MAP2K6: variants seen among roughly 807,000 people sequenced by gnomAD.
MAP2K6 encodes dual specificity mitogen-activated protein kinase kinase 6.
A neutral mutation model predicts 53.7 loss-of-function variants in MAP2K6; 16 were observed. That is an observed-to-expected ratio of 0.30 (90% CI 0.20 to 0.45). The LOEUF is 0.45. Among genes scored for constraint, MAP2K6 ranks in the 20% least tolerant of loss-of-function variants. The pLI is 1.00. For missense variants in MAP2K6, 204 were observed against 411.9 expected, an observed-to-expected ratio of 0.50 and a Z score of 4.37; for synonymous variants, 132 against 143.1, an observed-to-expected ratio of 0.92 and a Z score of 0.55.
At chr17:69,524,757 G>A (rs1009689183) in intron 8 of MAP2K6, 144 bp from the exon 9 acceptor site, 12 of 535,948 alleles carry the variant, frequency 2.2e-5, no homozygotes, top group South Asian at 1.2e-4. Flanking sequence ...GTAGTTAACC[G>A]GGTCTTCTTG....
intron 1 of MAP2K6, among the ~76,000 whole-genome samples, chr17:69,448,258 T>C (rs1907044473): frequency 1.4e-5 from 2 of 145,606 alleles, no homozygotes; most frequent in African/African-American, 5.0e-5. Context: ...TTTTTTTTTT[T>C]CAAATTCAAG....
At chr17:69,430,437 CAT>C (rs750616049) in intron 1 of MAP2K6, among the ~76,000 whole-genome samples, 4 of 152,188 alleles carry the variant, frequency 2.6e-5, no homozygotes, top group African/African-American at 4.8e-5. Flanking sequence ...TCCAGGCAAT[CAT>C]GTGAGCTTTT....
chr17:69,492,812 C>G (rs901141418), intron 1 of MAP2K6, among the ~76,000 whole-genome samples: 4 of 152,152 alleles, frequency 2.6e-5, no homozygotes, highest in African/African-American at 9.7e-5. Flanking sequence ...TTAATCACAT[C>G]TGCAAAAAAT....
chr17:69,446,593 C>G lies in MAP2K6; in HGVS notation c.16+31593C>G, dbSNP rs183052556. On this transcript the variant is annotated intron_variant, in intron 1 of 11. Transcript: ENST00000590474. ...TTTCTTCCTTTCACAGGTGAGGAAACCAAAGTTCAGGGAGGTTAAGTAATT... is the reference window on the plus strand; with the variant it reads ...TTTCTTCCTTTCACAGGTGAGGAAAGCAAAGTTCAGGGAGGTTAAGTAATT... Among the ~76,000 whole-genome samples, 14 of 152,268 alleles carry G rather than the reference C, an allele frequency of 9.2e-5. No individual in the cohort carries two copies. The East Asian group carries it at 2.5e-3, about 27-fold the overall frequency.
chr17:69,529,104 A>G (rs1373564330), intron 10 of MAP2K6, among the ~76,000 whole-genome samples: 1 of 152,204 alleles, frequency 6.6e-6, no homozygotes, highest in Non-Finnish European at 1.5e-5. Flanking sequence ...GTGAATCACC[A>G]GTTTAATCCA....
chr17:69,534,383 G>A (rs1911245982), intron 10 of MAP2K6, among the ~76,000 whole-genome samples: 1 of 152,056 alleles, frequency 6.6e-6, no homozygotes, highest in African/African-American at 2.4e-5. Flanking sequence ...TTCTCTCATA[G>A]GTTGTCTGGT....
At chr17:69,418,867 T>C (rs1005692493) in intron 1 of MAP2K6, among the ~76,000 whole-genome samples, 2 of 113,904 alleles carry the variant, frequency 1.8e-5, no homozygotes, top group Non-Finnish European at 3.7e-5. Flanking sequence ...AAATAGCTTT[T>C]TATTATTGCA....
intron 1 of MAP2K6, among the ~76,000 whole-genome samples, chr17:69,496,689 T>A (rs1247471496): frequency 1.3e-5 from 2 of 152,066 alleles, no homozygotes; most frequent in Non-Finnish European, 2.9e-5. Flanking sequence ...ATTCTTCTTG[T>A]TTCCCTGTCT....
In MAP2K6 at chr17:69,441,781, G is replaced by C. The variant is rs187503786; in HGVS notation, c.16+26781G>C. ...CTGACACTAACCTGGTGGCTGAAAG[G>C]GGGTGCTGCCTCCTTACTGCCAGGT... On this transcript the variant is annotated intron_variant, in intron 1 of 11. Coordinates refer to ENST00000590474, the MANE Select transcript of MAP2K6 (RefSeq NM_002758.4). 3.9e-5 allele frequency among the ~76,000 whole-genome samples: 6 copies of C among 152,264 alleles called. No homozygotes were observed. In the East Asian group the frequency reaches 9.6e-4, roughly 24 times the overall value.
intron 1 of MAP2K6, among the ~76,000 whole-genome samples, chr17:69,422,514 T>C (rs1359622440): frequency 3.3e-5 from 5 of 152,224 alleles, no homozygotes; most frequent in African/African-American, 1.2e-4. Flanking sequence ...TGTTTTACTT[T>C]CTGGTCTGTA....
At chr17:69,481,368 G>T (rs1313523383) in intron 1 of MAP2K6, among the ~76,000 whole-genome samples, 3 of 152,114 alleles carry the variant, frequency 2.0e-5, no homozygotes, top group Non-Finnish European at 4.4e-5. Context: ...TCTGCATGTT[G>T]TCTTTATATA....
intron 1 of MAP2K6, among the ~76,000 whole-genome samples, chr17:69,473,551 T>A (rs185510351): frequency 1.3e-5 from 2 of 152,314 alleles, no homozygotes; most frequent in East Asian, 3.9e-4. Flanking sequence ...TAATAAATAT[T>A]TTCTTTTTGA....
Position 69,546,148 on chromosome 17 carries a change from G to A in MAP2K6, c.*4395G>A, listed in dbSNP as rs924085204. ...TATGCCAATGTTTGCACTGTCTGCTGTTGGTGACCCTCAAAATGAAATTCT... is the reference window on the plus strand; with the variant it reads ...TATGCCAATGTTTGCACTGTCTGCTATTGGTGACCCTCAAAATGAAATTCT... On this transcript the variant is annotated 3_prime_UTR_variant, in exon 12 of 12. Coordinates refer to ENST00000590474, the MANE Select transcript of MAP2K6 (RefSeq NM_002758.4). 2 of 152,114 alleles carry A rather than the reference G, an allele frequency of 1.3e-5. No homozygotes were observed. The highest frequency in any genetic ancestry group is 1.3e-4 in the Admixed American group (2 of 15,266). 9.4% of individuals were successfully genotyped at this position (152,114 alleles called of 1,614,324 possible). A position where few individuals can be genotyped will look rare whatever the true frequency, so the allele number is the denominator to read the frequency against.
chr17:69,546,249 A>G lies in MAP2K6; in HGVS notation c.*4496A>G, dbSNP rs745357946. 6.6e-6 allele frequency: 1 copy of G among 152,120 alleles called. No individual in the cohort carries two copies. The highest frequency in any genetic ancestry group is 6.6e-5 in the Admixed American group (1 of 15,264). The allele number at this position is 152,120 out of a possible 1,614,324, so 9.4% of individuals were successfully genotyped here. The stretch of plus-strand genomic sequence containing the variant: ...TATTCTTCTTGCTTGCCATTGGCTA[A>G]TTCATTTTTTAACTGCAACCCTACT... On this transcript the variant is annotated 3_prime_UTR_variant, in exon 12 of 12. Transcript: ENST00000590474.
intron 1 of MAP2K6, among the ~76,000 whole-genome samples, chr17:69,464,767 G>T (rs1282522672): frequency 6.6e-6 from 1 of 152,088 alleles, no homozygotes; most frequent in Non-Finnish European, 1.5e-5. Context: ...CCCAGCTGGA[G>T]TGCAGTGGTG....
intron 1 of MAP2K6, among the ~76,000 whole-genome samples, chr17:69,430,965 G>A (rs536690160): frequency 7.2e-5 from 11 of 152,138 alleles, no homozygotes; most frequent in South Asian, 4.1e-4. Flanking sequence ...CATTTGGCCC[G>A]TATCAAGAAC....
At position 69,494,554 on chromosome 17, in the gene MAP2K6, G is replaced by A. The variant is rs953485157; in HGVS notation, c.17-11226G>A. 2.0e-5 allele frequency among the ~76,000 whole-genome samples: 3 copies of A among 152,012 alleles called. No individual in the cohort carries two copies. Among genetic ancestry groups the A allele is most frequent in the Admixed American group, 6.6e-5 (1 of 15,244 alleles). ...AATGGAGAGCCCCTGGATTAAAAGG[G>A]AAATAAGACCCTGTACTGATAGCAT... On this transcript the variant is annotated intron_variant, in intron 1 of 11. Transcript: ENST00000590474. This position sits in a 1 kb window ranked among gnomAD's most constrained non-coding sequence, Gnocchi z 4.2.
chr17:69,516,592 A>G (rs1320342002), intron 2 of MAP2K6, among the ~76,000 whole-genome samples: 1 of 152,174 alleles, frequency 6.6e-6, no homozygotes, highest in African/African-American at 2.4e-5. Flanking sequence ...TGTCTCTTTT[A>G]ATACTCACTC....
At chr17:69,430,916 CAG>C (rs1243698328) in intron 1 of MAP2K6, among the ~76,000 whole-genome samples, 2 of 152,194 alleles carry the variant, frequency 1.3e-5, no homozygotes, top group East Asian at 1.9e-4. Flanking sequence ...AACAATGTAT[CAG>C]GGGGATGTAG....
Sources: gnomAD v4.1 joint callset for allele counts (sites outside exome capture counted in the v4.1 genomes callset) on GRCh38, gnomAD v4.1.1 for gene constraint, Gnocchi (gnomAD v3.1) non-coding constraint, MANE v1.5 for transcripts, NCBI Gene and HGNC (gene_info 2026-07-23, HGNC 2026-07-21) for gene names.